CCDC146: variants seen among roughly 807,000 people sequenced by gnomAD.
CCDC146 encodes coiled-coil domain containing 146, also known as coiled-coil domain-containing protein 146.
A neutral mutation model predicts 119.3 loss-of-function variants in CCDC146; 92 were observed. The observed-to-expected ratio is 0.77, with a 90% CI of 0.65 to 0.92. The LOEUF (loss-of-function observed/expected upper bound fraction) is 0.92. Among genes scored for constraint, CCDC146 ranks in the 40% least tolerant of loss-of-function variants. The pLI is 0.00. For synonymous variants in CCDC146, 372 were observed against 371.8 expected (o/e 1.00, Z -0.01); for missense variants, 1,000 against 1,103.0 (o/e 0.91, Z 1.32).
chr7:77,255,437 T>G (rs1793160083), intron 5 of CCDC146: 2 of 152,196 alleles, frequency 1.3e-5, no homozygotes, highest in Non-Finnish European at 2.9e-5. Context: ...AAAAGTGTGT[T>G]GGTGGTGGTT....
chr7:77,198,614 T>C (rs1375840744), intron 2 of CCDC146: 1 of 152,798 alleles, frequency 6.5e-6, no homozygotes, highest in Non-Finnish European at 1.5e-5. Flanking sequence ...CCCCTTAAAA[T>C]ATTTTTTGTG....
rs1342273235 is a variant in CCDC146, at chr7:77,271,537, T to G, written c.1174-2157T>G. ...AGATATATATATATATATATATATATATATATATATATATATATATATATA... is the reference window on the plus strand; with the variant it reads ...AGATATATATATATATATATATATAGATATATATATATATATATATATATA... On this transcript the variant is annotated intron_variant, in intron 9 of 18. Coordinates refer to ENST00000285871, the MANE Select transcript of CCDC146 (RefSeq NM_020879.3). Among the ~76,000 whole-genome samples, 137 of 59,046 alleles carry G rather than the reference T, an allele frequency of 2.3e-3. 8 individuals are homozygous for G. Among genetic ancestry groups the G allele is most frequent in the Middle Eastern group, 9.8e-3 (1 of 102 alleles). 38.7% of individuals were successfully genotyped at this position (59,046 alleles called of 152,430 possible).
intron 13 of CCDC146, among the ~76,000 whole-genome samples, chr7:77,279,634 C>G (rs904032689): frequency 9.2e-5 from 14 of 152,124 alleles, no homozygotes; most frequent in African/African-American, 3.4e-4. Context: ...CAAATACCAC[C>G]CCTCCCACTT....
chr7:77,191,608 A>G (rs1053280984), intron 2 of CCDC146, among the ~76,000 whole-genome samples: 10 of 152,206 alleles, frequency 6.6e-5, no homozygotes, highest in African/African-American at 1.4e-4. Context: ...AACTCTGCCT[A>G]TAAGAGATAA....
intron 2 of CCDC146, among the ~76,000 whole-genome samples, chr7:77,173,278 A>G (rs1263029785): frequency 1.3e-5 from 2 of 152,162 alleles, no homozygotes; most frequent in African/African-American, 4.8e-5. Flanking sequence ...TGATCGCAAT[A>G]AGACCTAACA....
rs756368389 is a variant in CCDC146 at position 77,264,542 on chromosome 7, G to A, written c.1173+2235G>A. On this transcript the variant is annotated intron_variant, in intron 9 of 18. Transcript: ENST00000285871. ...CCCAAAGTGCTGGGATTACAGGTGC[G>A]AGCCACCGCACCCAGCCCTATTTAC... is the stretch of plus-strand genomic sequence containing the variant. Among the ~76,000 whole-genome samples, 15 of 152,114 alleles carry A rather than the reference G, an allele frequency of 9.9e-5. 1 individual carries two copies. Among genetic ancestry groups the A allele is most frequent in the Admixed American group, 2.0e-4 (3 of 15,264 alleles).
rs753740121 is a variant in CCDC146 at position 77,278,753 on chromosome 7, A to C, written c.1442A>C (p.Gln481Pro). 3.7e-6 allele frequency: 6 copies of C among 1,607,856 alleles called. No individual in the cohort carries two copies. The highest frequency in any genetic ancestry group is 4.3e-6 in the Non-Finnish European group (5 of 1,176,064). Residue 481 changes from glutamine (Q) to proline (P), a missense_variant and splice_region_variant, in exon 12 of 19, where the codon CAA (glutamine) becomes CCA (proline). Coordinates refer to ENST00000285871, the MANE Select transcript of CCDC146 (RefSeq NM_020879.3). ...QKSKDFLKAQ[Q>P]KYTNIVKEMK... ...TTCACATTTTTTTGTACATTTCAGC[A>C]AAAATACACCAACATTGTTAAAGAA...
At chr7:77,138,453 C>A (rs1279147591) in intron 1 of CCDC146, among the ~76,000 whole-genome samples, 1 of 151,920 alleles carries the variant, frequency 6.6e-6, no homozygotes, top group African/African-American at 2.4e-5. Context: ...CATAGAAAAC[C>A]TAGATGACCT....
intron 6 of CCDC146, among the ~76,000 whole-genome samples, 197 bp from the exon 7 acceptor site, chr7:77,258,798 C>A (rs1294047991): frequency 2.0e-5 from 3 of 152,182 alleles, no homozygotes; most frequent in African/African-American, 2.4e-5. Context: ...CACTCAGTTA[C>A]CTCCTCTTCA....
At chr7:77,211,062 A>G (rs1260015116) in intron 2 of CCDC146, among the ~76,000 whole-genome samples, 1 of 152,240 alleles carries the variant, frequency 6.6e-6, no homozygotes, top group Non-Finnish European at 1.5e-5. Flanking sequence ...ATTGTGAAGT[A>G]TATTAGATAT....
chr7:77,286,444 C>G (rs181525449), intron 15 of CCDC146, among the ~76,000 whole-genome samples: 1 of 152,112 alleles, frequency 6.6e-6, no homozygotes, highest in Non-Finnish European at 1.5e-5. Context: ...GGGGACACAT[C>G]GAAACCATAT....
chr7:77,264,083 A>G, intron 9 of CCDC146, among the ~76,000 whole-genome samples: 1 of 152,066 alleles, frequency 6.6e-6, no homozygotes, highest in Non-Finnish European at 1.5e-5. Context: ...TATACTTCTT[A>G]TTTAATCATT....
chr7:77,211,182 C>T (rs1000900884), intron 2 of CCDC146, among the ~76,000 whole-genome samples: 1 of 152,150 alleles, frequency 6.6e-6, no homozygotes, highest in Non-Finnish European at 1.5e-5. Flanking sequence ...CCCCCTTCAC[C>T]CCCTCTAACA....
intron 1 of CCDC146, among the ~76,000 whole-genome samples, chr7:77,132,243 G>A (rs1002533185): frequency 2.0e-5 from 3 of 151,760 alleles, no homozygotes; most frequent in African/African-American, 4.8e-5. Context: ...GTATTGTCTT[G>A]ATAAAAAAAT....
chr7:77,178,266 G>A (rs992519740), intron 2 of CCDC146, among the ~76,000 whole-genome samples: 17 of 152,186 alleles, frequency 1.1e-4, no homozygotes, highest in African/African-American at 4.1e-4. Context: ...AACTCTATTT[G>A]AACAAGCTAT....
intron 15 of CCDC146, among the ~76,000 whole-genome samples, chr7:77,286,110 T>C (rs1793843185): frequency 6.6e-6 from 1 of 152,190 alleles, no homozygotes; most frequent in Non-Finnish European, 1.5e-5. Flanking sequence ...TTTTAGCTCA[T>C]GGTTCTGCAG....
intron 18 of CCDC146, among the ~76,000 whole-genome samples, chr7:77,294,073 C>T (rs954668462): frequency 6.6e-6 from 1 of 152,182 alleles, no homozygotes; most frequent in African/African-American, 2.4e-5. Flanking sequence ...ACTCTATTTT[C>T]CAGAGGCACA....
intron 2 of CCDC146, among the ~76,000 whole-genome samples, chr7:77,229,177 G>C (rs1023253868): frequency 6.6e-6 from 1 of 152,064 alleles, no homozygotes; most frequent in African/African-American, 2.4e-5. Context: ...AGGGTTATTT[G>C]GCTTTTTCTT....
chr7:77,204,122 A>G (rs1213313294), intron 2 of CCDC146, among the ~76,000 whole-genome samples: 1 of 152,092 alleles, frequency 6.6e-6, no homozygotes, highest in Non-Finnish European at 1.5e-5. Context: ...CCTTTCACTG[A>G]TATTAAGCTT....
Sources: allele counts gnomAD v4.1 joint callset (sites outside exome capture counted in the v4.1 genomes callset), GRCh38; gene constraint gnomAD v4.1.1; transcripts MANE v1.5; gene names NCBI Gene and HGNC (gene_info 2026-07-23, HGNC 2026-07-21).